The following UBE2H variants were observed in gnomAD, a reference collection of about 807,000 sequenced individuals.
UBE2H encodes the protein ubiquitin-conjugating enzyme E2 H.
UBE2H carries 3 observed loss-of-function variants against 29.0 expected under a neutral mutation model. The ratio of observed to expected loss-of-function variants is 0.10; its 90% CI spans 0.05 to 0.27. UBE2H has a LOEUF of 0.27. Ranked by LOEUF, UBE2H falls within the 10% of genes least tolerant of loss-of-function variation. The pLI, the probability that UBE2H is intolerant of heterozygous loss-of-function variation, is 1.00. For missense variants in UBE2H, 68 were observed against 228.2 expected (o/e 0.30, Z 4.52); for synonymous variants, 69 against 82.9 (o/e 0.83, Z 0.91).
At chr7:129,885,544 AAAG>A (rs1159375396) in intron 1 of UBE2H, among the ~76,000 whole-genome samples, 6 of 152,216 alleles carry the variant, frequency 3.9e-5, no homozygotes, top group Non-Finnish European at 8.8e-5. Context: ...TGTATTTTAT[AAAG>A]AAGATCCTCC....
chr7:129,863,995 G>A (rs143595885), intron 3 of UBE2H, among the ~76,000 whole-genome samples: 9,965 of 152,116 alleles, frequency 0.066, 537 homozygotes, highest in East Asian at 0.25. Flanking sequence ...GTTTCACCAT[G>A]TTGGCCAGGC....
chr7:129,892,859 G>T (rs1461404160), intron 1 of UBE2H, among the ~76,000 whole-genome samples: 1 of 151,812 alleles, frequency 6.6e-6, no homozygotes, highest in Non-Finnish European at 1.5e-5. Flanking sequence ...AAAAAAAAAG[G>T]GTAAATATGT....
At chr7:129,890,022 A>G (rs1222487203) in intron 1 of UBE2H, among the ~76,000 whole-genome samples, 1 of 152,122 alleles carries the variant, frequency 6.6e-6, no homozygotes, top group African/African-American at 2.4e-5. Context: ...AGTCCCAGCT[A>G]CTTTGACGGC....
At chr7:129,919,098 A>AG (rs1807102497) in intron 1 of UBE2H, among the ~76,000 whole-genome samples, 2 of 131,170 alleles carry the variant, frequency 1.5e-5, no homozygotes, top group African/African-American at 5.3e-5. Context: ...ACAAAAACAA[A>AG]GTAAAAAAAA....
intron 1 of UBE2H, among the ~76,000 whole-genome samples, chr7:129,891,812 A>AAAAC (rs1806494736): frequency 1.0e-3 from 5 of 4,836 alleles, no homozygotes; most frequent in East Asian, 0.071. Context: ...AACAAAAACA[A>AAAAC]AAAAAAAAAA....
intron 3 of UBE2H, among the ~76,000 whole-genome samples, chr7:129,860,714 GTT>G (rs796240053): frequency 2.1e-5 from 3 of 142,406 alleles, no homozygotes; most frequent in African/African-American, 7.7e-5. Flanking sequence ...GCTGAGTTTT[GTT>G]TTTTTTTTTT....
chr7:129,866,626 T>C (rs1805909051), intron 3 of UBE2H, among the ~76,000 whole-genome samples: 1 of 152,212 alleles, frequency 6.6e-6, no homozygotes, highest in East Asian at 1.9e-4. Flanking sequence ...CTCCAAAAGA[T>C]AAATGTTTGA....
chr7:129,910,456 G>A (rs533764980), intron 1 of UBE2H, among the ~76,000 whole-genome samples: 26 of 152,288 alleles, frequency 1.7e-4, no homozygotes, highest in African/African-American at 5.8e-4. Flanking sequence ...ATCTTTGACC[G>A]ATGGTAGGAA....
At chr7:129,899,504 G>C (rs576115573) in intron 1 of UBE2H, among the ~76,000 whole-genome samples, 1 of 152,134 alleles carries the variant, frequency 6.6e-6, no homozygotes, top group African/African-American at 2.4e-5. Context: ...CAGAGCCCTG[G>C]CTAGGTGACC....
chr7:129,869,356 T>G (rs1161971635), intron 3 of UBE2H, among the ~76,000 whole-genome samples: 7 of 152,072 alleles, frequency 4.6e-5, no homozygotes, highest in Admixed American at 3.3e-4. Context: ...AATCACAAAT[T>G]TAGACATCTC....
chr7:129,952,488 C>G lies in UBE2H; in HGVS notation c.53+15G>C. On this transcript the variant is annotated intron_variant, in intron 1 of 6. Transcript: ENST00000355621. Reference sequence around the variant, plus strand: ...CCCCCCACACACAGCCCGAATTCCCCTCCACGAAGGATACAGCTTGACCAC... The same window carrying G: ...CCCCCCACACACAGCCCGAATTCCCGTCCACGAAGGATACAGCTTGACCAC... 1.2e-6 allele frequency: 2 copies of G among 1,612,092 alleles called. No individual in the cohort carries two copies. The highest frequency in any genetic ancestry group is 1.7e-6 in the Non-Finnish European group (2 of 1,178,750).
At chr7:129,942,431 G>A (rs1020631110) in intron 1 of UBE2H, among the ~76,000 whole-genome samples, 8 of 152,094 alleles carry the variant, frequency 5.3e-5, no homozygotes, top group Admixed American at 1.3e-4. Flanking sequence ...AGGTCGCAGT[G>A]AGCCGAGATC....
chr7:129,900,572 T>C (rs570721573), intron 1 of UBE2H, among the ~76,000 whole-genome samples: 2 of 152,256 alleles, frequency 1.3e-5, no homozygotes, highest in South Asian at 2.1e-4. Flanking sequence ...TACAATCACA[T>C]CACCATTGTT....
chr7:129,897,826 T>C (rs78329813), intron 1 of UBE2H, among the ~76,000 whole-genome samples: 9,434 of 152,252 alleles, frequency 0.062, 366 homozygotes, highest in Non-Finnish European at 0.092. Flanking sequence ...TAAAGAGATA[T>C]AGAAAAATAG....
At chr7:129,896,510 A>C (rs907781626) in intron 1 of UBE2H, among the ~76,000 whole-genome samples, 2 of 151,884 alleles carry the variant, frequency 1.3e-5, no homozygotes, top group Admixed American at 6.6e-5. Context: ...GGTTCAAATG[A>C]TCCTCCCACC....
intron 1 of UBE2H, among the ~76,000 whole-genome samples, chr7:129,899,147 G>GTTTGT (rs939606234): frequency 1.3e-5 from 2 of 152,108 alleles, no homozygotes; most frequent in Non-Finnish European, 2.9e-5. Context: ...GTTGTCTGCT[G>GTTTGT]TTTGTTTTGT....
intron 5 of UBE2H, among the ~76,000 whole-genome samples, chr7:129,856,360 C>A (rs939618290): frequency 2.6e-5 from 4 of 152,194 alleles, no homozygotes; most frequent in Non-Finnish European, 4.4e-5. Flanking sequence ...ACCATTCATT[C>A]TTTCAACCCA....
chr7:129,878,620 T>C (rs1310697365), intron 3 of UBE2H, among the ~76,000 whole-genome samples: 2 of 143,470 alleles, frequency 1.4e-5, no homozygotes, highest in African/African-American at 2.6e-5. Flanking sequence ...GAGGCGGACC[T>C]TGCAGTGAGT....
intron 1 of UBE2H, among the ~76,000 whole-genome samples, chr7:129,889,112 A>G (rs1806423125): frequency 6.6e-6 from 1 of 152,252 alleles, no homozygotes; most frequent in Non-Finnish European, 1.5e-5. Flanking sequence ...AAAGTAGGCC[A>G]AGACCAGATT....
Sources: allele counts gnomAD v4.1 joint callset (sites outside exome capture counted in the v4.1 genomes callset), GRCh38; gene constraint gnomAD v4.1.1; transcripts MANE v1.5; gene names NCBI Gene and HGNC (gene_info 2026-07-23, HGNC 2026-07-21).